Variants in ZNF184 observed in about 807,000 individuals in gnomAD.
The protein encoded by ZNF184 is zinc finger protein 184 (Kruppel-like).
A neutral mutation model predicts 54.4 loss-of-function variants in ZNF184; 16 were observed. The observed-to-expected ratio is 0.29, with a 90% CI of 0.20 to 0.45. The LOEUF is 0.45. Ranked by LOEUF, ZNF184 falls within the 20% of genes least tolerant of loss-of-function variation. ZNF184 has a pLI of 1.00. For synonymous variants in ZNF184, 254 were observed against 295.3 expected (o/e 0.86, Z 1.43); for missense variants, 681 against 888.2 (o/e 0.77, Z 2.97).
the ZNF184 span, among the ~76,000 whole-genome samples, chr6:27,431,893 C>CCA: frequency 1.3e-5 from 2 of 152,118 alleles, no homozygotes; most frequent in African/African-American, 4.8e-5. Flanking sequence ...ACTGATGACT[C>CCA]CACACACACT....
chr6:27,466,972 T>C (rs1273580114), intron 3 of ZNF184, among the ~76,000 whole-genome samples: 1 of 152,224 alleles, frequency 6.6e-6, no homozygotes, highest in Non-Finnish European at 1.5e-5. Flanking sequence ...CTGACTTCAT[T>C]CAATCATTTG....
chr6:27,467,508 T>C (rs2113735136), intron 3 of ZNF184, among the ~76,000 whole-genome samples: 1 of 152,204 alleles, frequency 6.6e-6, no homozygotes, highest in Non-Finnish European at 1.5e-5. Context: ...GGCAGGAGAA[T>C]TGCTTGAACC....
At chr6:27,443,772 T>G in the ZNF184 span, among the ~76,000 whole-genome samples, 1 of 152,090 alleles carries the variant, frequency 6.6e-6, no homozygotes, top group South Asian at 2.1e-4. Context: ...CTTTTCTAAC[T>G]CCCTTCCCAC....
chr6:27,466,468 T>C (rs549943210), intron 3 of ZNF184, among the ~76,000 whole-genome samples: 1 of 152,312 alleles, frequency 6.6e-6, no homozygotes, highest in South Asian at 2.1e-4. Context: ...TGCTCACTGA[T>C]AGTTTACCAA....
At chr6:27,454,139 A>G (rs577423995) in intron 5 of ZNF184, among the ~76,000 whole-genome samples, 7 of 152,206 alleles carry the variant, frequency 4.6e-5, no homozygotes, top group African/African-American at 9.7e-5. Flanking sequence ...AAAAGAGATG[A>G]CAACTAAAAG....
intron 3 of ZNF184, among the ~76,000 whole-genome samples, chr6:27,465,938 A>G (rs1319736364): frequency 6.6e-6 from 1 of 152,234 alleles, no homozygotes; most frequent in Non-Finnish European, 1.5e-5. Context: ...AAAGATGTCC[A>G]TGTCCCAACC....
chr6:27,434,793 T>C, the ZNF184 span, among the ~76,000 whole-genome samples: 1 of 152,242 alleles, frequency 6.6e-6, no homozygotes, highest in African/African-American at 2.4e-5. Flanking sequence ...TGTATATTTT[T>C]ACATTTAGGT....
In ZNF184 at chr6:27,453,250, T is replaced by C; in HGVS notation, c.309A>G (p.Thr103=). 1 of 1,590,520 alleles carries C rather than the reference T, an allele frequency of 6.3e-7. No homozygotes were observed. The highest frequency in any genetic ancestry group is 8.5e-7 in the Non-Finnish European group (1 of 1,171,570). The change falls in exon 6 of 6, where the codon ACA becomes ACG. Residue 103 remains threonine (T), a synonymous_variant. Coordinates refer to ENST00000683788, the MANE Select transcript of ZNF184 (RefSeq NM_001318891.2). This position sits in a 1 kb window ranked among gnomAD's most constrained non-coding sequence, Gnocchi z 4.7. The stretch of plus-strand genomic sequence containing the variant: ...GGGCTGACACACTATTTTCAAGTCT[T>C]GTCTCCCAGTCTAAAAGAAAAAGAA... ...IPVGTCADWE[T]RLENSVSAPE...
At chr6:27,419,979 G>A in the ZNF184 span, among the ~76,000 whole-genome samples, 3 of 152,118 alleles carry the variant, frequency 2.0e-5, no homozygotes, top group African/African-American at 4.8e-5. The surrounding 1 kb of genome is among the most constrained non-coding windows in gnomAD (Gnocchi z 4.8). Flanking sequence ...CTTGGGTCCC[G>A]AAGCCACTAT....
At chr6:27,465,008 C>G (rs1763089627) in intron 3 of ZNF184, among the ~76,000 whole-genome samples, 1 of 80,338 alleles carries the variant, frequency 1.2e-5, no homozygotes, top group African/African-American at 6.4e-5. Context: ...CAGAGCAAGA[C>G]TCTGTCTCAA....
chr6:27,449,254 A>G (rs1762672450), downstream of ZNF184, among the ~76,000 whole-genome samples: 1 of 152,198 alleles, frequency 6.6e-6, no homozygotes, highest in African/African-American at 2.4e-5. Context: ...TAAATTACAC[A>G]TGAAGGTATT....
chr6:27,443,684 T>G, the ZNF184 span, among the ~76,000 whole-genome samples: 111 of 152,042 alleles, frequency 7.3e-4, no homozygotes, highest in Admixed American at 1.7e-3. Flanking sequence ...CAACTTACTC[T>G]CCTCCCTTTA....
At chr6:27,429,291 A>G in the ZNF184 span, among the ~76,000 whole-genome samples, 1 of 152,130 alleles carries the variant, frequency 6.6e-6, no homozygotes, top group Non-Finnish European at 1.5e-5. Context: ...TTTGCGACAA[A>G]CTTGCTTCTA....
the ZNF184 span, among the ~76,000 whole-genome samples, chr6:27,422,987 A>G: frequency 6.6e-6 from 1 of 152,214 alleles, no homozygotes; most frequent in Non-Finnish European, 1.5e-5. Flanking sequence ...GCAGAGACTC[A>G]GGTCCCTTCT....
At chr6:27,471,486 G>A (rs77036019) in intron 2 of ZNF184, among the ~76,000 whole-genome samples, 1 of 152,154 alleles carries the variant, frequency 6.6e-6, no homozygotes, top group South Asian at 2.1e-4. Flanking sequence ...GCCAAACAGC[G>A]GAAGTATAAT....
the ZNF184 span, among the ~76,000 whole-genome samples, chr6:27,422,148 A>AAAAAAAGAAAG: frequency 0.022 from 951 of 43,218 alleles, 20 homozygotes; most frequent in African/African-American, 0.032. Flanking sequence ...CTCAAAAAAA[A>AAAAAAAGAAAG]AAAGAAAGAA....
At chr6:27,409,148 T>G in the ZNF184 span, among the ~76,000 whole-genome samples, 2 of 152,172 alleles carry the variant, frequency 1.3e-5, no homozygotes, top group Non-Finnish European at 2.9e-5. Context: ...AAAAAGAGAC[T>G]GCATAAAATT....
chr6:27,463,237 G>T (rs1763044954), intron 3 of ZNF184, among the ~76,000 whole-genome samples: 1 of 149,028 alleles, frequency 6.7e-6, no homozygotes, highest in African/African-American at 2.5e-5. Flanking sequence ...TAACAAACCT[G>T]CACATTGTGC....
the ZNF184 span, among the ~76,000 whole-genome samples, chr6:27,439,466 G>A: frequency 3.9e-5 from 6 of 152,122 alleles, no homozygotes; most frequent in African/African-American, 1.4e-4. Context: ...TCCAACCATG[G>A]ACATTGCCAT....
Sources: gnomAD v4.1 joint callset for allele counts (sites outside exome capture counted in the v4.1 genomes callset) on GRCh38, gnomAD v4.1.1 for gene constraint, Gnocchi (gnomAD v3.1) non-coding constraint, MANE v1.5 for transcripts, NCBI Gene and HGNC (gene_info 2026-07-23, HGNC 2026-07-21) for gene names.